The following CNST variants were observed in gnomAD, a reference collection of about 807,000 sequenced individuals.
The protein encoded by CNST is consortin, connexin sorting protein.
Under a neutral mutation model 72.4 loss-of-function variants are expected in CNST, and 39 were observed. That is an observed-to-expected ratio of 0.54 (90% CI 0.42 to 0.70). The LOEUF (loss-of-function observed/expected upper bound fraction) is 0.70. Ranked by LOEUF, CNST falls within the 30% of genes least tolerant of loss-of-function variation. The pLI is 0.00. For missense variants in CNST, 871 were observed against 868.5 expected (o/e 1.00, Z -0.04); for synonymous variants, 332 against 320.1 (o/e 1.04, Z -0.40).
At chr1:246,586,145 ATATT>A (rs1661182093) in intron 1 of CNST, among the ~76,000 whole-genome samples, 1 of 116,748 alleles carries the variant, frequency 8.6e-6, no homozygotes, top group East Asian at 2.0e-4. Context: ...GTGTGTGTAT[ATATT>A]ACTGATAGTA....
chr1:246,632,270 T>C, intron 4 of CNST: 1 of 302,352 alleles, frequency 3.3e-6, no homozygotes, highest in Non-Finnish European at 6.4e-6. Flanking sequence ...TTTAGCGGCA[T>C]GTTCTTTAGC....
chr1:246,614,213 C>T (rs1450966389), intron 2 of CNST, among the ~76,000 whole-genome samples: 1 of 152,054 alleles, frequency 6.6e-6, no homozygotes, highest in Middle Eastern at 3.4e-3. Flanking sequence ...TTTTATGTTT[C>T]CTATACCCAC....
chr1:246,586,913 T>C (rs1661236239), intron 1 of CNST, among the ~76,000 whole-genome samples: 1 of 152,182 alleles, frequency 6.6e-6, no homozygotes, highest in Admixed American at 6.6e-5. Context: ...AATTTAAAAA[T>C]GATTATAGTG....
intron 2 of CNST, among the ~76,000 whole-genome samples, chr1:246,605,654 C>T (rs1039320937): frequency 4.0e-5 from 6 of 151,026 alleles, no homozygotes; most frequent in African/African-American, 1.5e-4. Flanking sequence ...TGGTGGGTGT[C>T]TTCCGGCCGG....
chr1:246,647,450 A>G lies in CNST; in HGVS notation c.1249A>G (p.Ile417Val), dbSNP rs1435421664. 1 of 1,614,166 alleles carries G rather than the reference A, an allele frequency of 6.2e-7. No homozygotes were observed. The highest frequency in any genetic ancestry group is 2.2e-5 in the East Asian group (1 of 44,888). The change falls in exon 9 of 11, where the codon ATT becomes GTT. Residue 417 changes from isoleucine to valine, a missense_variant. By Grantham distance (29) the Ile-to-Val change is conservative. Transcript: ENST00000366513. ...CCAGGATGTGGCCAGAATAGAGGGC[A>G]TTGCTGAAGACCCTAAGGTGTTTCT... ...ACQDVARIEG[I>V]AEDPKVFLSS...
intron 9 of CNST, among the ~76,000 whole-genome samples, chr1:246,659,911 A>G (rs536041978): frequency 6.6e-6 from 1 of 152,296 alleles, no homozygotes; most frequent in African/African-American, 2.4e-5. Flanking sequence ...TTAAGCTACA[A>G]AGCAAGGTGT....
At chr1:246,652,962 C>G (rs1411774554) in intron 9 of CNST, among the ~76,000 whole-genome samples, 1 of 151,414 alleles carries the variant, frequency 6.6e-6, no homozygotes, top group African/African-American at 2.4e-5. Flanking sequence ...CGAGATTGCA[C>G]CACTGCACTC....
Position 246,647,824 on chromosome 1 carries a change from C to A in CNST, c.1623C>A (p.Asn541Lys). Residue 541 changes from asparagine (N) to lysine (K), a missense_variant, in exon 9 of 11, where the codon AAC becomes AAA. Asn to Lys is a moderately conservative substitution (Grantham distance 94). Coordinates refer to ENST00000366513, the MANE Select transcript of CNST (RefSeq NM_152609.3). ...AGGGAGATAAAGACGACCAACTCAA[C>A]AAAGAAACAGAAGACTATTTGAACA... ...EEKGDKDDQL[N>K]KETEDYLNSL... 1 of 1,614,134 alleles carries A rather than the reference C, an allele frequency of 6.2e-7. No individual in the cohort carries two copies. The highest frequency in any genetic ancestry group is 1.1e-5 in the South Asian group (1 of 91,082).
At chr1:246,584,587 G>A (rs1661014932) in intron 1 of CNST, among the ~76,000 whole-genome samples, 1 of 152,150 alleles carries the variant, frequency 6.6e-6, no homozygotes, top group Non-Finnish European at 1.5e-5. Flanking sequence ...TAGCCAGATT[G>A]TGGATGATCT....
At chr1:246,571,936 G>T (rs1660094673) in intron 1 of CNST, among the ~76,000 whole-genome samples, 1 of 152,116 alleles carries the variant, frequency 6.6e-6, no homozygotes, top group South Asian at 2.1e-4. Flanking sequence ...TAATTGCCCT[G>T]TTTTTTTCTG....
chr1:246,611,262 G>A (rs140275558), intron 2 of CNST, among the ~76,000 whole-genome samples: 208 of 152,282 alleles, frequency 1.4e-3, no homozygotes, highest in African/African-American at 4.6e-3. Flanking sequence ...CTCTTGATTC[G>A]GTGGTCACTG....
At chr1:246,659,359 C>T (rs1558599486) in intron 9 of CNST, among the ~76,000 whole-genome samples, 1 of 152,170 alleles carries the variant, frequency 6.6e-6, no homozygotes, top group Non-Finnish European at 1.5e-5. Flanking sequence ...CTTTGGGAGG[C>T]CAAGGCGGGC....
chr1:246,657,513 G>A (rs998360413), intron 9 of CNST, among the ~76,000 whole-genome samples: 7 of 152,294 alleles, frequency 4.6e-5, no homozygotes, highest in South Asian at 4.1e-4. Context: ...GTATTGTGAC[G>A]GAGGGGGTGT....
At chr1:246,566,918 G>T (rs1659735916) in intron 1 of CNST, 2 of 343,282 alleles carry the variant, frequency 5.8e-6, no homozygotes, top group Non-Finnish European at 1.0e-5. Flanking sequence ...GGGGACTAGC[G>T]CCAGAAGTCG....
At chr1:246,612,981 T>G (rs1388705529) in intron 2 of CNST, among the ~76,000 whole-genome samples, 4 of 152,184 alleles carry the variant, frequency 2.6e-5, no homozygotes, top group Non-Finnish European at 5.9e-5. Context: ...TTCTCGAGCA[T>G]TTATTATTTA....
chr1:246,656,927 C>G (rs1179276321), intron 9 of CNST, among the ~76,000 whole-genome samples: 1 of 152,030 alleles, frequency 6.6e-6, no homozygotes, highest in African/African-American at 2.4e-5. Flanking sequence ...GCGACCCTCT[C>G]TCAAAAAAAA....
At chr1:246,641,262 G>A (rs1053394113) in intron 6 of CNST, among the ~76,000 whole-genome samples, 2 of 152,136 alleles carry the variant, frequency 1.3e-5, no homozygotes, top group East Asian at 1.9e-4. Context: ...ATAAAGTGGC[G>A]ATGAGCATTT....
chr1:246,637,506 T>C (rs898394746), intron 6 of CNST, among the ~76,000 whole-genome samples: 3 of 152,202 alleles, frequency 2.0e-5, no homozygotes, highest in African/African-American at 7.2e-5. Flanking sequence ...AGTTCGTCCA[T>C]ACATGATTCC....
chr1:246,603,999 G>T (rs1270260852), intron 2 of CNST, among the ~76,000 whole-genome samples: 11 of 152,194 alleles, frequency 7.2e-5, no homozygotes, highest in African/African-American at 2.4e-4. Flanking sequence ...CTAGGCGGGT[G>T]GATCACCTGA....
Sources: allele counts gnomAD v4.1 joint callset (sites outside exome capture counted in the v4.1 genomes callset), GRCh38; gene constraint gnomAD v4.1.1; transcripts MANE v1.5; gene names NCBI Gene and HGNC (gene_info 2026-07-23, HGNC 2026-07-21).